The following CFAP77 variants were observed in gnomAD, a reference collection of about 807,000 sequenced individuals.
The protein encoded by CFAP77 is cilia- and flagella-associated protein 77.
In CFAP77, 25 loss-of-function variants were observed where a neutral mutation model predicts 31.1. The observed-to-expected ratio is 0.80, with a 90% CI of 0.59 to 1.12. The LOEUF (loss-of-function observed/expected upper bound fraction) is 1.12, where lower values mean the gene tolerates loss of function less well. Among genes scored for constraint, CFAP77 ranks in the 50% most tolerant of loss-of-function variants. The pLI is 0.00. For synonymous variants in CFAP77, 151 were observed against 159.9 expected (o/e 0.94, Z 0.42); for missense variants, 377 against 397.3 (o/e 0.95, Z 0.44).
chr9:132,455,566 C>A lies in CFAP77; in HGVS notation c.196-43129C>A, dbSNP rs1353902381. Reference sequence around the variant, plus strand: ...GCAACATGGCGAGACCCTATCTCTACTAAAAATACAAAAAAATAGCTCTGT... The same window carrying A: ...GCAACATGGCGAGACCCTATCTCTAATAAAAATACAAAAAAATAGCTCTGT... On this transcript the variant is annotated intron_variant, in intron 1 of 5. Transcript: ENST00000393216. The surrounding 1 kb of genome is among the most constrained non-coding windows in gnomAD (Gnocchi z 4.1). Among the ~76,000 whole-genome samples, 1 of 151,332 alleles carries A rather than the reference C, an allele frequency of 6.6e-6. No homozygotes were observed. The highest frequency in any genetic ancestry group is 2.4e-5 in the African/African-American group (1 of 41,138).
intron 1 of CFAP77, among the ~76,000 whole-genome samples, chr9:132,447,603 A>T (rs1162414900): frequency 1.3e-5 from 2 of 152,228 alleles, no homozygotes; most frequent in African/African-American, 2.4e-5. Flanking sequence ...CGGTCCGCGT[A>T]GATCAGCACG....
chr9:132,501,259 T>C lies in CFAP77; in HGVS notation c.524+1659T>C, dbSNP rs1283708973. On this transcript the variant is annotated intron_variant, in intron 3 of 5. Coordinates refer to ENST00000393216, the MANE Select transcript of CFAP77 (RefSeq NM_001282957.2). This position sits in a 1 kb window ranked among gnomAD's most constrained non-coding sequence, Gnocchi z 4.6. The stretch of plus-strand genomic sequence containing the variant: ...GCTTCCTGATTTTGGCTCCATTCTC[T>C]GAGAAGCTTCTTCCTCACCTGCAAA... 1.3e-5 allele frequency among the ~76,000 whole-genome samples: 2 copies of C among 152,238 alleles called. No homozygotes were observed. The highest frequency in any genetic ancestry group is 3.8e-4 in the East Asian group (2 of 5,200).
chr9:132,458,342 C>CGG (rs1554738844), intron 1 of CFAP77, among the ~76,000 whole-genome samples: 15 of 71,216 alleles, frequency 2.1e-4, no homozygotes, highest in African/African-American at 5.0e-4. Flanking sequence ...GTCTCCCTGG[C>CGG]GGGGGAGGGG....
intron 1 of CFAP77, among the ~76,000 whole-genome samples, chr9:132,462,979 T>C (rs1851085373): frequency 1.3e-5 from 2 of 152,124 alleles, no homozygotes; most frequent in Admixed American, 6.6e-5. Flanking sequence ...CCAGGATTCA[T>C]AGATGTGTGT....
intron 5 of CFAP77, among the ~76,000 whole-genome samples, chr9:132,563,858 T>G (rs1044279386): frequency 1.3e-5 from 2 of 152,234 alleles, no homozygotes; most frequent in African/African-American, 2.4e-5. Context: ...TGCGCTGGGT[T>G]GAGCATACTG....
chr9:132,420,278 C>T (rs1244880698), intron 1 of CFAP77, among the ~76,000 whole-genome samples: 1 of 151,626 alleles, frequency 6.6e-6, no homozygotes, highest in African/African-American at 2.4e-5. Context: ...TGAGGTTGGG[C>T]TGGGCCTGTA....
At chr9:132,486,750 C>G (rs1851566352) in intron 1 of CFAP77, among the ~76,000 whole-genome samples, 1 of 152,238 alleles carries the variant, frequency 6.6e-6, no homozygotes, top group Non-Finnish European at 1.5e-5. Flanking sequence ...TGTAATCAAA[C>G]ATCAAGCTAA....
intron 5 of CFAP77, among the ~76,000 whole-genome samples, chr9:132,561,644 CA>C (rs1564253275): frequency 2.8e-5 from 3 of 108,822 alleles, no homozygotes; most frequent in African/African-American, 1.9e-4. Context: ...CACACACACA[CA>C]CACACACACA....
chr9:132,420,783 G>A (rs1254745327), intron 1 of CFAP77, among the ~76,000 whole-genome samples: 1 of 152,130 alleles, frequency 6.6e-6, no homozygotes, highest in Non-Finnish European at 1.5e-5. Flanking sequence ...CAGGCACCAA[G>A]GATACAGGGG....
chr9:132,445,844 G>A (rs1207335226), intron 1 of CFAP77, among the ~76,000 whole-genome samples: 1 of 150,456 alleles, frequency 6.6e-6, no homozygotes, highest in Non-Finnish European at 1.5e-5. Context: ...ACTCTAGCCT[G>A]GGCGACAGAG....
At chr9:132,441,964 T>G (rs1434550302) in intron 1 of CFAP77, among the ~76,000 whole-genome samples, 1 of 152,204 alleles carries the variant, frequency 6.6e-6, no homozygotes, top group Admixed American at 6.5e-5. Context: ...GTTTGAGAAG[T>G]GCTGGGCCAG....
chr9:132,529,757 C>T (rs1286913055), intron 3 of CFAP77, among the ~76,000 whole-genome samples: 9 of 150,430 alleles, frequency 6.0e-5, no homozygotes, highest in Admixed American at 4.0e-4. Context: ...ACCCGGGAGG[C>T]AGAGGTTGCA....
Position 132,572,451 on chromosome 9 carries a change from C to G in CFAP77, c.796C>G (p.Arg266Gly). The G allele has an allele frequency of 3.1e-6, 5 of 1,612,314 alleles. No homozygotes were observed. The highest frequency in any genetic ancestry group is 1.1e-5 in the South Asian group (1 of 91,080). The change falls in exon 6 of 6, where the codon CGG becomes GGG. Residue 266 changes from arginine (R) to glycine (G), a missense_variant. Physicochemically the swap from Arg to Gly is moderately radical, Grantham distance 125. Coordinates refer to ENST00000393216, the MANE Select transcript of CFAP77 (RefSeq NM_001282957.2). ...TCGCCAGAGAGCATTAAAAGCCCAC[C>G]GGGAAGAGTGTGCCGTGCGCCAGGG... ...ADRQRALKAH[R>G]EECAVRQGTL...
At chr9:132,420,608 C>T (rs1850197649) in intron 1 of CFAP77, among the ~76,000 whole-genome samples, 1 of 151,636 alleles carries the variant, frequency 6.6e-6, no homozygotes. Context: ...TTGCAGTGAG[C>T]CAAGATCGCG....
In CFAP77 at chr9:132,424,540, C is replaced by T. The variant is rs1850281907; in HGVS notation, c.195+14074C>T. 2.0e-5 allele frequency among the ~76,000 whole-genome samples: 3 copies of T among 152,158 alleles called. No homozygotes were observed. On this transcript the variant is annotated intron_variant, in intron 1 of 5. Coordinates refer to ENST00000393216, the MANE Select transcript of CFAP77 (RefSeq NM_001282957.2). The surrounding 1 kb of genome is among the most constrained non-coding windows in gnomAD (Gnocchi z 4.1). ...CTAGACAAGGTGAGAAATTGGCTGC[C>T]ATGAGCTTGGGTGCATTTTTAGGGG...
chr9:132,486,062 GTGTGTATATA>G (rs1271851086), intron 1 of CFAP77, among the ~76,000 whole-genome samples: 1 of 21,544 alleles, frequency 4.6e-5, no homozygotes, highest in African/African-American at 5.8e-4. Context: ...GTATGTGTGT[GTGTGTATATA>G]TATATATATA....
intron 5 of CFAP77, among the ~76,000 whole-genome samples, chr9:132,562,071 G>A (rs1003024160): frequency 1.3e-5 from 2 of 152,228 alleles, no homozygotes; most frequent in Admixed American, 6.5e-5. Context: ...AGTCACATAC[G>A]TAAGCCAACG....
chr9:132,569,933 G>A (rs1255197845), intron 5 of CFAP77, among the ~76,000 whole-genome samples: 1 of 151,770 alleles, frequency 6.6e-6, no homozygotes, highest in African/African-American at 2.4e-5. Flanking sequence ...ATGGGGTCTC[G>A]CCATGTTGGC....
chr9:132,497,421 A>G lies in CFAP77; in HGVS notation c.196-1274A>G, dbSNP rs1851762739. Among the ~76,000 whole-genome samples, 1 of 152,230 alleles carries G rather than the reference A, an allele frequency of 6.6e-6. No homozygotes were observed. Among genetic ancestry groups the G allele is most frequent in the African/African-American group, 2.4e-5 (1 of 41,464 alleles). ...AGAGTGGAGAGATCCCGGGAAATGTAACACCCTGTGACTTCGAAACCACCG... is the reference window on the plus strand; with the variant it reads ...AGAGTGGAGAGATCCCGGGAAATGTGACACCCTGTGACTTCGAAACCACCG... On this transcript the variant is annotated intron_variant, in intron 1 of 5. Coordinates refer to ENST00000393216, the MANE Select transcript of CFAP77 (RefSeq NM_001282957.2). The surrounding 1 kb of genome is among the most constrained non-coding windows in gnomAD (Gnocchi z 4.9).
Sources: allele counts gnomAD v4.1 joint callset (sites outside exome capture counted in the v4.1 genomes callset), GRCh38; gene constraint gnomAD v4.1.1; non-coding constraint Gnocchi (gnomAD v3.1); transcripts MANE v1.5; gene names NCBI Gene and HGNC (gene_info 2026-07-23, HGNC 2026-07-21).